TNIP1: variants seen among roughly 807,000 people sequenced by gnomAD.
TNIP1 encodes the protein TNFAIP3 interacting protein 1.
A neutral mutation model predicts 86.6 loss-of-function variants in TNIP1; 22 were observed. That is an observed-to-expected ratio of 0.25 (90% CI 0.18 to 0.36). TNIP1 has a LOEUF of 0.36. TNIP1 is among the 10% of genes least tolerant of loss of function. The pLI is 1.00. For synonymous variants in TNIP1, 294 were observed against 313.0 expected (o/e 0.94, Z 0.64); for missense variants, 709 against 820.6 (o/e 0.86, Z 1.66).
In TNIP1 at chr5:151,056,758, C is replaced by T. The variant is rs763786728; in HGVS notation, c.627+8G>A. On this transcript the variant is annotated splice_region_variant and intron_variant, in intron 6 of 17. Transcript: ENST00000521591. ...CCTGTCTCGGGCTGCCCTCCCCACG[C>T]GCCTCACCTGCAGAATGGAGGTGCG... 4.0e-6 allele frequency: 6 copies of T among 1,487,214 alleles called. No homozygotes were observed. The highest frequency in any genetic ancestry group is 2.6e-5 in the East Asian group (1 of 38,290). 92.1% of individuals were successfully genotyped at this position (1,487,214 alleles called of 1,614,324 possible). A position where few individuals can be genotyped will look rare whatever the true frequency, so the allele number is the denominator to read the frequency against.
intron 5 of TNIP1, among the ~76,000 whole-genome samples, chr5:151,059,903 G>A (rs916078519): frequency 2.8e-5 from 4 of 144,090 alleles, no homozygotes; most frequent in Non-Finnish European, 4.5e-5. Context: ...GTGGAAAGTT[G>A]AACCTCCTTC....
At chr5:151,066,259 C>A (rs2113734584) in intron 1 of TNIP1, among the ~76,000 whole-genome samples, 1 of 152,340 alleles carries the variant, frequency 6.6e-6, no homozygotes, top group South Asian at 2.1e-4. Flanking sequence ...ATGAAGACAT[C>A]TGAAGGAAGA....
upstream of TNIP1, among the ~76,000 whole-genome samples, chr5:151,083,247 C>T (rs1764149539): frequency 6.6e-6 from 1 of 152,234 alleles, no homozygotes; most frequent in Non-Finnish European, 1.5e-5. Context: ...ACCTATTCCT[C>T]ATGTGAATCA....
intron 1 of TNIP1, among the ~76,000 whole-genome samples, chr5:151,065,468 T>C (rs1229317458): frequency 6.6e-6 from 1 of 152,064 alleles, no homozygotes; most frequent in African/African-American, 2.4e-5. Flanking sequence ...GTCTGTGAGG[T>C]CCAGAAGAAC....
intron 1 of TNIP1, chr5:151,078,582 T>C (rs1341075914): frequency 2.0e-5 from 3 of 152,104 alleles, no homozygotes; most frequent in Non-Finnish European, 4.4e-5. Context: ...AATAAAATAG[T>C]AACGTGACAG....
At chr5:151,052,398 C>G (rs1760065681) in intron 6 of TNIP1, 139 bp from the exon 7 acceptor site, 1 of 690,852 alleles carries the variant, frequency 1.4e-6, no homozygotes, top group Admixed American at 2.7e-5. Flanking sequence ...CACCCCATCC[C>G]TCTCTAAGGA....
intron 8 of TNIP1, 65 bp downstream of exon 8, chr5:151,049,759 G>T: frequency 1.3e-6 from 2 of 1,584,674 alleles, no homozygotes; most frequent in Non-Finnish European, 1.7e-6. Flanking sequence ...TGTCACTGGA[G>T]GTGGTAAGCA....
intron 11 of TNIP1, 79 bp downstream of exon 11, chr5:151,042,461 C>T (rs1758548484): frequency 6.4e-7 from 1 of 1,560,686 alleles, no homozygotes; most frequent in African/African-American, 1.3e-5. Flanking sequence ...TGACTCCTGC[C>T]CCTGGCTTGT....
At chr5:151,087,646 C>G (rs1322324115), upstream of TNIP1, 4 of 152,276 alleles carry the variant, frequency 2.6e-5, no homozygotes, top group Non-Finnish European at 5.9e-5. Context: ...GGGGCCCACT[C>G]CTTCCTTGGT....
chr5:151,042,482 G>A, intron 11 of TNIP1, 58 bp downstream of exon 11: 5 of 1,584,402 alleles, frequency 3.2e-6, no homozygotes, highest in Non-Finnish European at 4.3e-6. Context: ...TTGCTCCACA[G>A]AACTCTCCGC....
rs781447302 is a variant in TNIP1 at position 151,065,117 on chromosome 5, G to A, written c.-22C>T. 4.4e-6 allele frequency: 7 copies of A among 1,607,866 alleles called. No individual in the cohort carries two copies. Among genetic ancestry groups the A allele is most frequent in the African/African-American group, 1.3e-5 (1 of 74,974 alleles). ...CCATGAGGGTAGCTCAGCCCCTGCC[G>A]TGGTGCCCGCCTGGCTGTAAGGACA... On this transcript the variant is annotated 5_prime_UTR_variant, in exon 2 of 18. The change creates a new upstream start codon in the 5' untranslated region. Transcript: ENST00000521591.
At chr5:151,038,396 T>C (rs764953744) in intron 12 of TNIP1, among the ~76,000 whole-genome samples, 24 of 151,616 alleles carry the variant, frequency 1.6e-4, no homozygotes, top group Non-Finnish European at 2.8e-4. Flanking sequence ...TGAAATGTGC[T>C]GGAAAGCAGG....
intron 8 of TNIP1, 66 bp from the exon 9 acceptor site, chr5:151,046,016 G>T: frequency 6.6e-7 from 1 of 1,505,252 alleles, no homozygotes; most frequent in Non-Finnish European, 9.2e-7. Flanking sequence ...CAGTCTCGGT[G>T]CTCCTCTAAG....
chr5:151,059,863 G>C (rs1376443021), intron 5 of TNIP1, among the ~76,000 whole-genome samples: 5 of 91,346 alleles, frequency 5.5e-5, no homozygotes, highest in African/African-American at 2.9e-4. Flanking sequence ...GTGTGTGTGT[G>C]TGTGCGCGCG....
chr5:151,064,858 G>A, intron 2 of TNIP1, 102 bp downstream of exon 2: 1 of 1,541,180 alleles, frequency 6.5e-7, no homozygotes, highest in Non-Finnish European at 8.9e-7. Context: ...GATGACTTGG[G>A]CAGAGGCATA....
In TNIP1 at chr5:151,034,310, A is replaced by G. The variant is rs577251479; in HGVS notation, c.1588-511T>C. Among the ~76,000 whole-genome samples, 775 of 139,780 alleles carry G rather than the reference A, an allele frequency of 5.5e-3. 7 individuals carry two copies. Among genetic ancestry groups the G allele is most frequent in the African/African-American group, 0.02 (737 of 36,806 alleles). 91.7% of individuals were successfully genotyped at this position (139,780 alleles called of 152,430 possible). A position where few individuals can be genotyped will look rare whatever the true frequency, so the allele number is the denominator to read the frequency against. On this transcript the variant is annotated intron_variant, in intron 15 of 17. Transcript: ENST00000521591. ...GCAGTGAAGGCTGGTACATGGGCAC[A>G]GAAGGCTAGGTACATGGGCAGTGAA...
chr5:151,083,701 T>C (rs529220606), upstream of TNIP1, among the ~76,000 whole-genome samples: 3 of 152,356 alleles, frequency 2.0e-5, no homozygotes, highest in Non-Finnish European at 4.4e-5. Flanking sequence ...ATCTCCTTTC[T>C]GCTACTCCCT....
chr5:151,066,661 C>T (rs528381249), intron 1 of TNIP1, among the ~76,000 whole-genome samples: 2 of 152,376 alleles, frequency 1.3e-5, no homozygotes, highest in Non-Finnish European at 2.9e-5. Flanking sequence ...CTTGGAGGAG[C>T]TGCACAGTAA....
intron 6 of TNIP1, 82 bp from the exon 7 acceptor site, chr5:151,052,341 CCTG>C: frequency 8.7e-7 from 1 of 1,143,340 alleles, no homozygotes; most frequent in Non-Finnish European, 1.3e-6. Flanking sequence ...TGGTGGGGGG[CCTG>C]TAGCCACCCC....
Sources: gnomAD v4.1 joint callset for allele counts (sites outside exome capture counted in the v4.1 genomes callset) on GRCh38, gnomAD v4.1.1 for gene constraint, MANE v1.5 for transcripts, NCBI Gene and HGNC (gene_info 2026-07-23, HGNC 2026-07-21) for gene names.